TIMP2: variants seen among roughly 807,000 people sequenced by gnomAD.
TIMP2 encodes TIMP metallopeptidase inhibitor 2.
Under a neutral mutation model 24.3 loss-of-function variants are expected in TIMP2, and 5 were observed. The observed-to-expected ratio is 0.21, with a 90% CI of 0.11 to 0.43. The LOEUF is 0.43. Ranked by LOEUF, TIMP2 falls within the 20% of genes least tolerant of loss-of-function variation. TIMP2 has a pLI of 1.00. For missense variants in TIMP2, 221 were observed against 297.5 expected (o/e 0.74, Z 1.89); for synonymous variants, 130 against 123.2 (o/e 1.06, Z -0.37).
chr17:78,874,590 GTTA>G (rs1026451123), intron 1 of TIMP2, among the ~76,000 whole-genome samples: 8 of 152,054 alleles, frequency 5.3e-5, no homozygotes, highest in African/African-American at 9.7e-5. Context: ...TGTTGTTGTT[GTTA>G]TTGAGATGGA....
In TIMP2 at chr17:78,870,995, C is replaced by A. The variant is rs1173185962; in HGVS notation, c.243G>T (p.Gly81=). The A allele has an allele frequency of 6.2e-7, 1 of 1,612,114 alleles. No individual in the cohort carries two copies. The highest frequency in any genetic ancestry group is 8.5e-7 in the Non-Finnish European group (1 of 1,179,080). ...AGATAAACTCTATATCCTTCTCAGG[C>A]CCTTTGAACATCTGGAAAGACAAGG... ...YEIKQIKMFK[G]PEKDIEFIYT... is the part of the protein sequence containing the mutation. Residue 81 remains glycine, a synonymous_variant, in exon 3 of 5, where the codon GGG becomes GGT. Transcript: ENST00000262768.
intron 1 of TIMP2, among the ~76,000 whole-genome samples, chr17:78,914,971 A>T (rs544906980): frequency 1.3e-5 from 2 of 148,630 alleles, no homozygotes; most frequent in African/African-American, 5.0e-5. Flanking sequence ...ATCTCGGCTC[A>T]CTGCAACCTC....
rs142142024 is a variant in TIMP2, at chr17:78,913,502, G to A, written c.130+11457C>T. Among the ~76,000 whole-genome samples, 269 of 152,288 alleles carry A rather than the reference G, an allele frequency of 1.8e-3. 4 individuals carry two copies. Among genetic ancestry groups the A allele is most frequent in the Admixed American group, 0.012 (180 of 15,286 alleles). The stretch of plus-strand genomic sequence containing the variant: ...GAGGTGGGAAGACGGCTTGAGCCCA[G>A]GCGTTCAAGACCAGACTGGGCAACG... On this transcript the variant is annotated intron_variant, in intron 1 of 4. Coordinates refer to ENST00000262768, the MANE Select transcript of TIMP2 (RefSeq NM_003255.5).
chr17:78,895,694 C>T (rs982048043), intron 1 of TIMP2, among the ~76,000 whole-genome samples: 1 of 152,208 alleles, frequency 6.6e-6, no homozygotes, highest in Admixed American at 6.5e-5. Flanking sequence ...GGTTGAATAA[C>T]TTTCCCAGCT....
intron 3 of TIMP2, among the ~76,000 whole-genome samples, chr17:78,867,594 CTT>C (rs58975858): frequency 0.21 from 27,257 of 126,790 alleles, 2,520 homozygotes; most frequent in African/African-American, 0.28. Flanking sequence ...TTTGTACCTT[CTT>C]TTTTTTTTTT....
intron 1 of TIMP2, among the ~76,000 whole-genome samples, chr17:78,876,313 C>T (rs56176858): frequency 0.15 from 22,383 of 152,110 alleles, 1,823 homozygotes; most frequent in South Asian, 0.23. Context: ...GCCCTGAACA[C>T]GCCCAGGTGC....
intron 3 of TIMP2, among the ~76,000 whole-genome samples, chr17:78,865,320 A>G (rs1437613965): frequency 6.6e-6 from 1 of 152,070 alleles, no homozygotes; most frequent in Non-Finnish European, 1.5e-5. Flanking sequence ...TAGTTACACA[A>G]CACTGTGAAT....
At chr17:78,922,331 A>T (rs2070314059) in intron 1 of TIMP2, 1 of 152,244 alleles carries the variant, frequency 6.6e-6, no homozygotes, top group African/African-American at 2.4e-5. Flanking sequence ...TTGGTTGAGC[A>T]CGGAAAGGGT....
chr17:78,890,619 C>A, intron 1 of TIMP2: 1 of 1,545,200 alleles, frequency 6.5e-7, no homozygotes, highest in South Asian at 1.2e-5. Context: ...TGTATTTACC[C>A]CGGGTGGGCC....
In TIMP2 at chr17:78,890,232, C is replaced by T. The variant is rs192548733; in HGVS notation, c.131-16313G>A. On this transcript the variant is annotated intron_variant, in intron 1 of 4. Transcript: ENST00000262768. ...TTTTTTTTTTTTTTGAGACGAGTCT[C>T]ACTCTGTCACCCAGGCTGGAGTACA... 4.9e-3 allele frequency among the ~76,000 whole-genome samples: 713 copies of T among 146,134 alleles called. 7 individuals carry two copies. Among genetic ancestry groups the T allele is most frequent in the African/African-American group, 0.017 (671 of 38,520 alleles).
At chr17:78,874,865 C>T (rs2069716340) in intron 1 of TIMP2, among the ~76,000 whole-genome samples, 1 of 152,072 alleles carries the variant, frequency 6.6e-6, no homozygotes, top group South Asian at 2.1e-4. Flanking sequence ...CTCAGCTTCT[C>T]AAGTAGCTCT....
At chr17:78,909,699 G>A (rs2070191025) in intron 1 of TIMP2, among the ~76,000 whole-genome samples, 1 of 152,100 alleles carries the variant, frequency 6.6e-6, no homozygotes, top group South Asian at 2.1e-4. Flanking sequence ...GGGTCTCATC[G>A]GGTTTCTGTA....
chr17:78,915,695 T>C (rs1315823319), intron 1 of TIMP2, among the ~76,000 whole-genome samples: 2 of 152,096 alleles, frequency 1.3e-5, no homozygotes, highest in African/African-American at 4.8e-5. Context: ...AATTTTTTTA[T>C]TTTTAGTAGA....
intron 1 of TIMP2, among the ~76,000 whole-genome samples, chr17:78,877,679 T>C (rs11658743): frequency 0.17 from 25,330 of 151,736 alleles, 2,259 homozygotes; most frequent in East Asian, 0.28. Context: ...TTTGGAAATT[T>C]CTGGAGCTGC....
chr17:78,876,684 T>A (rs2145757489), intron 1 of TIMP2, among the ~76,000 whole-genome samples: 1 of 90,464 alleles, frequency 1.1e-5, no homozygotes, highest in Non-Finnish European at 2.2e-5. Flanking sequence ...GCCAGGCTAA[T>A]TTTTTTTTTT....
At chr17:78,883,130 C>T (rs2069793270) in intron 1 of TIMP2, among the ~76,000 whole-genome samples, 1 of 152,254 alleles carries the variant, frequency 6.6e-6, no homozygotes, top group Non-Finnish European at 1.5e-5. Flanking sequence ...ACCCTCAGGT[C>T]CTCCAACCTC....
At chr17:78,874,417 T>C (rs911910382) in intron 1 of TIMP2, among the ~76,000 whole-genome samples, 1 of 152,124 alleles carries the variant, frequency 6.6e-6, no homozygotes, top group African/African-American at 2.4e-5. Flanking sequence ...CCACGGCCTA[T>C]TGGAAACAAG....
At chr17:78,893,042 G>A (rs1263285809) in intron 1 of TIMP2, among the ~76,000 whole-genome samples, 1 of 152,208 alleles carries the variant, frequency 6.6e-6, no homozygotes, top group Non-Finnish European at 1.5e-5. Flanking sequence ...GGGCAGGGAG[G>A]AGCCTGCCAA....
intron 3 of TIMP2, among the ~76,000 whole-genome samples, chr17:78,859,578 G>A (rs1007364381): frequency 6.6e-6 from 1 of 151,974 alleles, no homozygotes; most frequent in Non-Finnish European, 1.5e-5. Context: ...CAGGAGGATC[G>A]CTTGAACCCG....
Sources: allele counts gnomAD v4.1 joint callset (sites outside exome capture counted in the v4.1 genomes callset), GRCh38; gene constraint gnomAD v4.1.1; transcripts MANE v1.5; gene names NCBI Gene and HGNC (gene_info 2026-07-23, HGNC 2026-07-21).